RASA3: variants seen among roughly 807,000 people sequenced by gnomAD.
RASA3 encodes ras GTPase-activating protein 3.
Under a neutral mutation model 110.0 loss-of-function variants are expected in RASA3, and 73 were observed. The observed-to-expected ratio is 0.66, with a 90% CI of 0.55 to 0.81. RASA3 has a LOEUF of 0.81. Among genes scored for constraint, RASA3 ranks in the 30% least tolerant of loss-of-function variants. RASA3 has a pLI of 0.00. For synonymous variants in RASA3, 500 were observed against 451.4 expected, an observed-to-expected ratio of 1.11 and a Z score of -1.37; for missense variants, 976 against 1,113.2, an observed-to-expected ratio of 0.88 and a Z score of 1.75.
Position 114,056,769 on chromosome 13 carries a change from C to T in RASA3, c.174-4614G>A, listed in dbSNP as rs1371568851. ...AAGCTACAAGAAAACATACGAACTC[C>T]ATAAAATTATCACCACAGACTGGAC... On this transcript the variant is annotated intron_variant, in intron 2 of 23. Coordinates refer to ENST00000334062, the MANE Select transcript of RASA3 (RefSeq NM_007368.4). This position sits in a 1 kb window ranked among gnomAD's most constrained non-coding sequence, Gnocchi z 5.7. 5.3e-6 allele frequency: 4 copies of T among 756,600 alleles called. No homozygotes were observed. The highest frequency in any genetic ancestry group is 6.4e-6 in the Non-Finnish European group (4 of 620,946). The allele number at this position is 756,600 out of a possible 1,614,324, so 46.9% of individuals were successfully genotyped here.
chr13:114,015,167 A>G, intron 14 of RASA3, 42 bp downstream of exon 14: 1 of 1,610,808 alleles, frequency 6.2e-7, no homozygotes, highest in African/African-American at 1.3e-5. Context: ...GCACAGCGCT[A>G]TGGCAGTTTC....
In RASA3 at chr13:114,057,988, G is replaced by C. The variant is rs2079273652; in HGVS notation, c.174-5833C>G. The stretch of plus-strand genomic sequence containing the variant: ...CTGGGAGGTCGGAGTCCCGGAGGTG[G>C]GTGGGGGTGGTGAGTTCCCAGGTCA... On this transcript the variant is annotated intron_variant, in intron 2 of 23. Transcript: ENST00000334062. The surrounding 1 kb of genome is among the most constrained non-coding windows in gnomAD (Gnocchi z 5.0). Among the ~76,000 whole-genome samples, 1 of 152,130 alleles carries C rather than the reference G, an allele frequency of 6.6e-6. No individual in the cohort carries two copies. Among genetic ancestry groups the C allele is most frequent in the Non-Finnish European group, 1.5e-5 (1 of 68,012 alleles).
intron 1 of RASA3, among the ~76,000 whole-genome samples, chr13:114,132,199 AGGAGGCGCAGG>A (rs1281596741): frequency 6.6e-6 from 1 of 152,124 alleles, no homozygotes. Flanking sequence ...CCGGGCGCAG[AGGAGGCGCAGG>A]GAGCCGCGTT....
intron 2 of RASA3, among the ~76,000 whole-genome samples, chr13:114,071,940 C>T (rs1397344638): frequency 6.6e-6 from 1 of 152,178 alleles, no homozygotes; most frequent in Non-Finnish European, 1.5e-5. Context: ...ATCAAAATAG[C>T]TGTTTTGATC....
chr13:114,001,389 G>T (rs553023498), intron 18 of RASA3, among the ~76,000 whole-genome samples: 1 of 150,546 alleles, frequency 6.6e-6, no homozygotes, highest in African/African-American at 2.4e-5. Context: ...CGGGCTCGGG[G>T]TCAGGGCGGG....
chr13:114,129,913 C>T (rs2139808843), intron 1 of RASA3, among the ~76,000 whole-genome samples: 1 of 152,336 alleles, frequency 6.6e-6, no homozygotes, highest in South Asian at 2.1e-4. Flanking sequence ...ACCACAGGGG[C>T]ACCATCTTGT....
intron 22 of RASA3, 90 bp from the exon 23 acceptor site, chr13:113,981,948 A>G (rs10781677): frequency 0.7 from 854,337 of 1,218,876 alleles, 300,445 homozygotes; most frequent in Non-Finnish European, 0.72. Flanking sequence ...CCCCACCCAC[A>G]GTACACATCC....
At position 114,065,447 on chromosome 13, in the gene RASA3, C is replaced by G. The variant is rs1221661095; in HGVS notation, c.173+8273G>C. On this transcript the variant is annotated intron_variant, in intron 2 of 23. Transcript: ENST00000334062. This position sits in a 1 kb window ranked among gnomAD's most constrained non-coding sequence, Gnocchi z 4.1. ...CCCCAAACCGGGTCTGCGAAGCAGCCCTGGGGCTCCCAAGCCAGCCTCTGG... is the reference window on the plus strand; with the variant it reads ...CCCCAAACCGGGTCTGCGAAGCAGCGCTGGGGCTCCCAAGCCAGCCTCTGG... Among the ~76,000 whole-genome samples the G allele has an allele frequency of 2.0e-5, 3 of 152,196 alleles. No homozygotes were observed. The highest frequency in any genetic ancestry group is 7.2e-5 in the African/African-American group (3 of 41,452).
At chr13:114,078,732 G>A (rs1470405362) in intron 1 of RASA3, among the ~76,000 whole-genome samples, 3 of 152,248 alleles carry the variant, frequency 2.0e-5, no homozygotes, top group South Asian at 2.1e-4. Context: ...TGACTCCCAC[G>A]CCCACGGCAG....
At chr13:114,122,740 G>T (rs911511374) in intron 1 of RASA3, among the ~76,000 whole-genome samples, 5 of 151,356 alleles carry the variant, frequency 3.3e-5, no homozygotes, top group African/African-American at 1.2e-4. Flanking sequence ...GGGGGTCTCC[G>T]GCCGGTCGGC....
chr13:114,038,869 G>A (rs1249604298), intron 4 of RASA3, among the ~76,000 whole-genome samples: 9 of 152,188 alleles, frequency 5.9e-5, no homozygotes, highest in Non-Finnish European at 1.2e-4. Context: ...GCCTCCATCC[G>A]ACCCACCCAG....
At chr13:113,990,746 T>G (rs2053089121) in intron 22 of RASA3, among the ~76,000 whole-genome samples, 1 of 152,230 alleles carries the variant, frequency 6.6e-6, no homozygotes, top group Non-Finnish European at 1.5e-5. Context: ...CACATGGGCC[T>G]GCACATGTGA....
rs779966601 is a variant in RASA3 at position 114,013,152 on chromosome 13, G to A, written c.1502C>T (p.Pro501Leu). ...ILSPNLFQLTPHHTDPQTSRT... is the reference protein window; with the variant it reads ...ILSPNLFQLTLHHTDPQTSRT... Reference sequence around the variant, plus strand: ...CAGCCGGTCACTCACCGTGTGGTGCGGCGTGAGCTGGAAGAGGTTGGGGGA... The same window carrying A: ...CAGCCGGTCACTCACCGTGTGGTGCAGCGTGAGCTGGAAGAGGTTGGGGGA... The change falls in exon 15 of 24, where the codon CCG (proline) becomes CTG (leucine). Residue 501 changes from proline to leucine, a missense_variant. This residue lies in a region of RASA3 where 732 missense variants were observed against 779.7 expected (regional missense o/e 0.94). Transcript: ENST00000334062. 9.3e-6 allele frequency: 15 copies of A among 1,612,780 alleles called. No homozygotes were observed. Among genetic ancestry groups the A allele is most frequent in the South Asian group, 4.4e-5 (4 of 90,832 alleles).
intron 19 of RASA3, among the ~76,000 whole-genome samples, chr13:114,000,149 TTGGGGGTGTCTCTGC>T (rs570512672): frequency 0.038 from 3,227 of 85,644 alleles, 169 homozygotes; most frequent in African/African-American, 0.14. Flanking sequence ...GGGGTCTCTG[TTGGGGGTGTCTCTGC>T]TGGGGGTCTC....
intron 1 of RASA3, among the ~76,000 whole-genome samples, chr13:114,125,644 C>G (rs1419963768): frequency 6.6e-6 from 1 of 152,188 alleles, no homozygotes. Context: ...ATTGCTTCTA[C>G]TGTTTGCTAT....
At chr13:114,062,082 T>A (rs1356932693) in intron 2 of RASA3, among the ~76,000 whole-genome samples, 1 of 152,196 alleles carries the variant, frequency 6.6e-6, no homozygotes, top group Non-Finnish European at 1.5e-5. Flanking sequence ...CCCTTTCCAC[T>A]GTGCCTAACC....
chr13:113,999,527 C>T, intron 20 of RASA3, 58 bp downstream of exon 20: 1 of 1,398,348 alleles, frequency 7.2e-7, no homozygotes, highest in Middle Eastern at 1.8e-4. Context: ...GGGAAGAGAG[C>T]AGAGAAAACC....
chr13:114,052,856 G>A (rs1376963224), intron 2 of RASA3, among the ~76,000 whole-genome samples: 1 of 143,426 alleles, frequency 7.0e-6, no homozygotes, highest in African/African-American at 2.7e-5. Flanking sequence ...TAGAGTCCTC[G>A]CTCCTGGGGG....
chr13:114,080,242 C>T (rs2079761291), intron 1 of RASA3, among the ~76,000 whole-genome samples: 1 of 152,294 alleles, frequency 6.6e-6, no homozygotes, highest in Admixed American at 6.5e-5. Context: ...CCCAGGCTGC[C>T]ATCCTCAAGC....
Sources: gnomAD v4.1 joint callset for allele counts (sites outside exome capture counted in the v4.1 genomes callset) on GRCh38, gnomAD v4.1.1 for gene constraint, gnomAD v4.1.1 regional missense constraint, Gnocchi (gnomAD v3.1) non-coding constraint, MANE v1.5 for transcripts, NCBI Gene and HGNC (gene_info 2026-07-23, HGNC 2026-07-21) for gene names.